TBC1D9B: variants seen among roughly 807,000 people sequenced by gnomAD.
TBC1D9B encodes the protein TBC1 domain family, member 9B (with GRAM domain).
TBC1D9B carries 87 observed loss-of-function variants against 121.1 expected under a neutral mutation model. That is an observed-to-expected ratio of 0.72 (90% CI 0.60 to 0.86). The LOEUF (loss-of-function observed/expected upper bound fraction) is 0.86. Among genes scored for constraint, TBC1D9B ranks in the 40% least tolerant of loss-of-function variants. TBC1D9B has a pLI of 0.00. For synonymous variants in TBC1D9B, 668 were observed against 670.1 expected, an observed-to-expected ratio of 1.00 and a Z score of 0.05; for missense variants, 1,540 against 1,628.6, an observed-to-expected ratio of 0.95 and a Z score of 0.94.
intron 5 of TBC1D9B, among the ~76,000 whole-genome samples, chr5:179,892,975 T>A (rs572553053): frequency 4.6e-5 from 7 of 152,350 alleles, no homozygotes; most frequent in Non-Finnish European, 1.0e-4. Flanking sequence ...GAATAAAGTG[T>A]GAAGAGCTTC....
chr5:179,888,664 G>A (rs973863052), intron 6 of TBC1D9B, among the ~76,000 whole-genome samples: 1 of 152,200 alleles, frequency 6.6e-6, no homozygotes, highest in East Asian at 1.9e-4. Context: ...CCCTGCACTT[G>A]TTCCCAGGGA....
chr5:179,878,062 G>C (rs1166201704), intron 10 of TBC1D9B, among the ~76,000 whole-genome samples: 1 of 152,220 alleles, frequency 6.6e-6, no homozygotes, highest in East Asian at 1.9e-4. Flanking sequence ...GTATGTGCCT[G>C]TTTCACCAAA....
intron 6 of TBC1D9B, among the ~76,000 whole-genome samples, chr5:179,889,739 T>A (rs955502342): frequency 2.6e-5 from 4 of 151,436 alleles, no homozygotes; most frequent in African/African-American, 9.7e-5. Context: ...CTAGGTGTGG[T>A]GGCAAGCATC....
rs748177148 is a variant in TBC1D9B, at chr5:179,875,959, C to T, written c.1861G>A (p.Glu621Lys). The change falls in exon 11 of 21, where the codon GAG becomes AAG. Residue 621 changes from glutamate to lysine, a missense_variant. By Grantham distance (56) the Glu-to-Lys change is moderately conservative. Transcript: ENST00000355235. This position sits in a 1 kb window ranked among gnomAD's most constrained non-coding sequence, Gnocchi z 4.5. ...TTGTAGTAGTCGGGCAGCATGCGCT[C>T]GCACAGGGCCACCAGGAGCCAGAAG... ...EAFWLLVALC[E>K]RMLPDYYNTR... 3.4e-5 allele frequency: 55 copies of T among 1,611,122 alleles called. No homozygotes were observed. The highest frequency in any genetic ancestry group is 8.8e-5 in the South Asian group (8 of 90,450).
intron 14 of TBC1D9B, 53 bp from the exon 15 acceptor site, chr5:179,871,583 G>A: frequency 6.3e-7 from 1 of 1,583,824 alleles, no homozygotes; most frequent in Non-Finnish European, 8.6e-7. Flanking sequence ...TCCTGGCACA[G>A]AAGTACGGCA....
chr5:179,894,597 C>A lies in TBC1D9B; in HGVS notation c.366G>T (p.Glu122Asp), dbSNP rs780583574. 5.0e-6 allele frequency: 8 copies of A among 1,614,082 alleles called. No individual in the cohort carries two copies. The highest frequency in any genetic ancestry group is 1.3e-5 in the African/African-American group (1 of 74,942). The change falls in exon 4 of 21, where the codon GAG becomes GAT. Residue 122 changes from glutamate (E) to aspartate (D), a missense_variant. Transcript: ENST00000355235. Reference sequence around the variant, plus strand: ...CTCCCTGGGGCTGCAGGTTCTTGTTCTCTTCTGCGATGATTCCCTGGAGGA... The same window carrying A: ...CTCCCTGGGGCTGCAGGTTCTTGTTATCTTCTGCGATGATTCCCTGGAGGA... ...KGKIHGIIAE[E>D]NKNLQPQGDE...
intron 4 of TBC1D9B, 73 bp from the exon 5 acceptor site, chr5:179,893,540 C>T: frequency 6.6e-7 from 1 of 1,522,164 alleles, no homozygotes; most frequent in South Asian, 1.3e-5. Flanking sequence ...CATCTGTACC[C>T]CAGACCCATC....
intron 7 of TBC1D9B, chr5:179,880,111 A>G: frequency 5.3e-6 from 2 of 377,018 alleles, no homozygotes; most frequent in South Asian, 3.8e-5. Context: ...GAGAGGCCCT[A>G]TCCTAACGTG....
Position 179,865,438 on chromosome 5 carries a change from G to T in TBC1D9B, c.2915-78C>A. On this transcript the variant is annotated intron_variant, in intron 19 of 20. Coordinates refer to ENST00000355235, the MANE Select transcript of TBC1D9B (RefSeq NM_015043.4). The surrounding 1 kb of genome is among the most constrained non-coding windows in gnomAD (Gnocchi z 5.1). ...CTGACAGCAGGGAGAGGAAGAGTTG[G>T]GTGTTTTCTGGCATGGAGTTACCAG... 4.4e-6 allele frequency: 6 copies of T among 1,364,774 alleles called. No individual in the cohort carries two copies. Among genetic ancestry groups the T allele is most frequent in the Non-Finnish European group, 6.3e-6 (6 of 956,368 alleles). 84.5% of individuals were successfully genotyped at this position (1,364,774 alleles called of 1,614,324 possible).
At chr5:179,869,962 T>G in intron 16 of TBC1D9B, 128 bp from the exon 17 acceptor site, 1 of 995,972 alleles carries the variant, frequency 1.0e-6, no homozygotes, top group South Asian at 1.7e-5. Context: ...ACAGGGTGAG[T>G]CCCAGATCTC....
intron 10 of TBC1D9B, among the ~76,000 whole-genome samples, chr5:179,876,929 G>C (rs1760374889): frequency 6.6e-6 from 1 of 151,246 alleles, no homozygotes. Context: ...AAAGTAACTG[G>C]GCGTGGTGGT....
At chr5:179,898,583 G>T (rs1477286020) in intron 3 of TBC1D9B, among the ~76,000 whole-genome samples, 1 of 152,024 alleles carries the variant, frequency 6.6e-6, no homozygotes, top group Non-Finnish European at 1.5e-5. Flanking sequence ...TGAGTAGCTG[G>T]GATTACAGGC....
In TBC1D9B at chr5:179,891,259, C is replaced by T. The variant is rs1479461392; in HGVS notation, c.1044+120G>A. 4 of 1,163,864 alleles carry T rather than the reference C, an allele frequency of 3.4e-6. No individual in the cohort carries two copies. Among genetic ancestry groups the T allele is most frequent in the African/African-American group, 1.5e-5 (1 of 66,350 alleles). 72.1% of individuals were successfully genotyped at this position (1,163,864 alleles called of 1,614,324 possible). On this transcript the variant is annotated intron_variant, in intron 6 of 20. Transcript: ENST00000355235. This position sits in a 1 kb window ranked among gnomAD's most constrained non-coding sequence, Gnocchi z 4.3. ...ACTGAGTGACATGTGACTGCCTGGG[C>T]TAGGGCATCCTCCCAGGTACCCCCC... is the stretch of plus-strand genomic sequence containing the variant.
In TBC1D9B at chr5:179,865,663, G is replaced by T; in HGVS notation, c.2914+175C>A. ...AGAGGGCTGGCTGGGTGCCCGTGGG[G>T]CTGGTGGAGAGCGTGGAGCCTCCTG... On this transcript the variant is annotated intron_variant, in intron 19 of 20. Coordinates refer to ENST00000355235, the MANE Select transcript of TBC1D9B (RefSeq NM_015043.4). The surrounding 1 kb of genome is among the most constrained non-coding windows in gnomAD (Gnocchi z 5.1). 1 of 727,672 alleles carries T rather than the reference G, an allele frequency of 1.4e-6. No individual in the cohort carries two copies. Among genetic ancestry groups the T allele is most frequent in the Non-Finnish European group, 2.3e-6 (1 of 442,466 alleles). 45.1% of individuals were successfully genotyped at this position (727,672 alleles called of 1,614,324 possible).
chr5:179,877,680 A>G (rs950780071), intron 10 of TBC1D9B, among the ~76,000 whole-genome samples: 75 of 139,944 alleles, frequency 5.4e-4, no homozygotes, highest in Middle Eastern at 3.5e-3. Flanking sequence ...AAAAAAAAAA[A>G]AAAGAAAAGA....
chr5:179,891,198 G>C lies in TBC1D9B; in HGVS notation c.1044+181C>G, dbSNP rs1023191518. ...CCCAACAGGGCAGGTGCCTGTGGAG[G>C]GGCTCACTTGTCCTACACCCTCCAC... On this transcript the variant is annotated intron_variant, in intron 6 of 20. Coordinates refer to ENST00000355235, the MANE Select transcript of TBC1D9B (RefSeq NM_015043.4). The surrounding 1 kb of genome is among the most constrained non-coding windows in gnomAD (Gnocchi z 4.3). Among the ~76,000 whole-genome samples the C allele has an allele frequency of 1.3e-5, 2 of 152,214 alleles. No homozygotes were observed. Among genetic ancestry groups the C allele is most frequent in the Non-Finnish European group, 2.9e-5 (2 of 68,026 alleles).
chr5:179,865,817 G>A lies in TBC1D9B; in HGVS notation c.2914+21C>T. ...CTCAACGCTGGGGTCTCTAAGAACAGCGGCAGAGAATGGCCTGTACCTCCT... is the reference window on the plus strand; with the variant it reads ...CTCAACGCTGGGGTCTCTAAGAACAACGGCAGAGAATGGCCTGTACCTCCT... On this transcript the variant is annotated intron_variant, in intron 19 of 20. Transcript: ENST00000355235. The surrounding 1 kb of genome is among the most constrained non-coding windows in gnomAD (Gnocchi z 5.1). 1 of 1,583,002 alleles carries A rather than the reference G, an allele frequency of 6.3e-7. No individual in the cohort carries two copies. Among genetic ancestry groups the A allele is most frequent in the East Asian group, 2.2e-5 (1 of 44,638 alleles).
intron 3 of TBC1D9B, 23 bp from the exon 4 acceptor site, chr5:179,894,637 G>A: frequency 6.2e-7 from 1 of 1,612,616 alleles, no homozygotes; most frequent in African/African-American, 1.3e-5. Flanking sequence ...AAGAGGACAA[G>A]GGCTTGCCCT....
At position 179,865,230 on chromosome 5, in the gene TBC1D9B, A is replaced by T; in HGVS notation, c.3021+24T>A. 1.2e-6 allele frequency: 2 copies of T among 1,605,482 alleles called. No individual in the cohort carries two copies. The highest frequency in any genetic ancestry group is 1.7e-6 in the Non-Finnish European group (2 of 1,172,116). Reference sequence around the variant, plus strand: ...TGGTCAGAACTCTCCAGAAATGTCTACTGTGGGCTCCAGTGGAGCCTACCT... The same window carrying T: ...TGGTCAGAACTCTCCAGAAATGTCTTCTGTGGGCTCCAGTGGAGCCTACCT... On this transcript the variant is annotated intron_variant, in intron 20 of 20. Transcript: ENST00000355235. This position sits in a 1 kb window ranked among gnomAD's most constrained non-coding sequence, Gnocchi z 5.1.
Sources: allele counts gnomAD v4.1 joint callset (sites outside exome capture counted in the v4.1 genomes callset), GRCh38; gene constraint gnomAD v4.1.1; non-coding constraint Gnocchi (gnomAD v3.1); transcripts MANE v1.5; gene names NCBI Gene and HGNC (gene_info 2026-07-23, HGNC 2026-07-21).